The following TACR1 variants were observed in gnomAD, a reference collection of about 807,000 sequenced individuals.
The protein encoded by TACR1 is tachykinin receptor 1, also known as substance-P receptor.
A neutral mutation model predicts 35.8 loss-of-function variants in TACR1; 25 were observed. The ratio of observed to expected loss-of-function variants is 0.70; its 90% confidence interval spans 0.51 to 0.98. TACR1 has a LOEUF of 0.98. Among genes scored for constraint, TACR1 ranks in the 50% least tolerant of loss-of-function variants. The pLI, the probability that TACR1 is intolerant of heterozygous loss-of-function variation, is 0.00. For missense variants in TACR1, 478 were observed against 522.9 expected, an observed-to-expected ratio of 0.91 and a Z score of 0.84; for synonymous variants, 195 against 206.7, an observed-to-expected ratio of 0.94 and a Z score of 0.48.
intron 2 of TACR1, among the ~76,000 whole-genome samples, chr2:75,067,864 G>C (rs1481065568): frequency 6.6e-6 from 1 of 152,164 alleles, no homozygotes; most frequent in Non-Finnish European, 1.5e-5. Context: ...AGCCTCTAGG[G>C]TCCTTAGGCC....
At chr2:75,143,076 G>A (rs1174669625) in intron 1 of TACR1, among the ~76,000 whole-genome samples, 5 of 152,104 alleles carry the variant, frequency 3.3e-5, no homozygotes, top group Admixed American at 6.5e-5. Context: ...GGTGCATGGG[G>A]TGCTAACAAG....
chr2:75,110,050 G>A (rs1327796619), intron 2 of TACR1, among the ~76,000 whole-genome samples: 33 of 152,054 alleles, frequency 2.2e-4, no homozygotes, highest in Non-Finnish European at 2.9e-5. Flanking sequence ...ATGTCTTCTG[G>A]TGCGGCTTTT....
chr2:75,148,920 A>G (rs12995597), intron 1 of TACR1, among the ~76,000 whole-genome samples: 66,880 of 152,100 alleles, frequency 0.44, 15,460 homozygotes, highest in Non-Finnish European at 0.51. Context: ...GAAGGGGTCC[A>G]GTTTCAATTC....
chr2:75,098,061 T>A (rs1293584229), intron 2 of TACR1, among the ~76,000 whole-genome samples: 1 of 152,210 alleles, frequency 6.6e-6, no homozygotes, highest in Non-Finnish European at 1.5e-5. Flanking sequence ...ATGCCACACA[T>A]TCTGTTAAAA....
chr2:75,094,859 A>ATATATTTTT, intron 2 of TACR1, among the ~76,000 whole-genome samples: 29 of 113,100 alleles, frequency 2.6e-4, no homozygotes, highest in African/African-American at 1.3e-3. Context: ...ATATATATAT[A>ATATATTTTT]TTTTTTTTTT....
intron 3 of TACR1, among the ~76,000 whole-genome samples, 176 bp from the exon 4 acceptor site, chr2:75,051,623 T>A (rs1049758983): frequency 1.3e-4 from 20 of 152,160 alleles, no homozygotes; most frequent in African/African-American, 4.8e-4. Flanking sequence ...AAGACTTCGG[T>A]TATGTCAGCT....
chr2:75,193,283 T>A (rs901763676), intron 1 of TACR1, among the ~76,000 whole-genome samples: 3 of 152,224 alleles, frequency 2.0e-5, no homozygotes, highest in Non-Finnish European at 4.4e-5. Context: ...CCTCAGAATA[T>A]GGCACACAGT....
chr2:75,049,572 C>G lies in TACR1; in HGVS notation c.1084G>C (p.Val362Leu). Residue 362 changes from valine to leucine, a missense_variant, in exon 5 of 5, where the codon GTG becomes CTG. Coordinates refer to ENST00000305249, the MANE Select transcript of TACR1 (RefSeq NM_001058.4). ...SRLETTISTV[V>L]GAHEEEPEDG... ...TCTGGCTCCTCCTCGTGGGCCCCCACCACTGTGGAGATGGTGGTCTCCAGG... is the reference window on the plus strand; with the variant it reads ...TCTGGCTCCTCCTCGTGGGCCCCCAGCACTGTGGAGATGGTGGTCTCCAGG... 1.2e-6 allele frequency: 2 copies of G among 1,614,178 alleles called. No individual in the cohort carries two copies. Among genetic ancestry groups the G allele is most frequent in the Non-Finnish European group, 1.7e-6 (2 of 1,179,992 alleles).
In TACR1 at chr2:75,049,711, G is replaced by C. The variant is rs370670120; in HGVS notation, c.945C>G (p.Gly315=). 6.2e-7 allele frequency: 1 copy of C among 1,613,060 alleles called. No homozygotes were observed. Among genetic ancestry groups the C allele is most frequent in the African/African-American group, 1.3e-5 (1 of 75,036 alleles). ...YCCLNDRFRL[G]FKHAFRCCPF... Reference sequence around the variant, plus strand: ...GGCAGCACCGGAAGGCATGCTTGAAGCCCAGACGGAACCTGGAGAGCGAGC... The same window carrying C: ...GGCAGCACCGGAAGGCATGCTTGAACCCCAGACGGAACCTGGAGAGCGAGC... The change falls in exon 5 of 5, where the codon GGC becomes GGG. Residue 315 remains glycine, a synonymous_variant. Coordinates refer to ENST00000305249, the MANE Select transcript of TACR1 (RefSeq NM_001058.4).
At chr2:75,053,454 C>T (rs1183499588) in intron 3 of TACR1, 151 bp downstream of exon 3, 2 of 1,089,218 alleles carry the variant, frequency 1.8e-6, no homozygotes. Context: ...TCCAAAGACA[C>T]TGAAGAAAGA....
At position 75,049,730 on chromosome 2, in the gene TACR1, A is replaced by G. The variant is rs1441379311; in HGVS notation, c.933-7T>C. On this transcript the variant is annotated splice_polypyrimidine_tract_variant and splice_region_variant and intron_variant, in intron 4 of 4. Transcript: ENST00000305249. ...CTTGAAGCCCAGACGGAACCTGGAG[A>G]GCGAGCAGATGAAGAGGTGACCCTT... 6.2e-7 allele frequency: 1 copy of G among 1,610,416 alleles called. No homozygotes were observed. The highest frequency in any genetic ancestry group is 2.2e-5 in the East Asian group (1 of 44,812).
chr2:75,061,368 C>T (rs1415706279), intron 2 of TACR1, among the ~76,000 whole-genome samples: 3 of 151,914 alleles, frequency 2.0e-5, no homozygotes, highest in East Asian at 1.9e-4. Context: ...CCAGGTGAGT[C>T]GAGTGGGAAG....
At chr2:75,154,381 C>G (rs1215192689) in intron 1 of TACR1, 5 of 148,472 alleles carry the variant, frequency 3.4e-5, no homozygotes, top group Non-Finnish European at 7.3e-5. Context: ...AAGTTTGGCC[C>G]AGGGAGATAA....
chr2:75,128,544 G>A (rs1464002123), intron 1 of TACR1, among the ~76,000 whole-genome samples: 2 of 152,202 alleles, frequency 1.3e-5, no homozygotes, highest in Non-Finnish European at 1.5e-5. Flanking sequence ...AACACTAGGA[G>A]TATCAGTCAG....
chr2:75,135,005 C>G (rs1185696624), intron 1 of TACR1, among the ~76,000 whole-genome samples: 1 of 152,182 alleles, frequency 6.6e-6, no homozygotes, highest in African/African-American at 2.4e-5. Context: ...CTGCCAAACA[C>G]AGAGCAAGAG....
chr2:75,057,738 CTTTG>C (rs902352751), intron 2 of TACR1, among the ~76,000 whole-genome samples: 1 of 151,964 alleles, frequency 6.6e-6, no homozygotes, highest in Non-Finnish European at 1.5e-5. Context: ...ATGTGGATAA[CTTTG>C]TTTAAGGGTG....
intron 2 of TACR1, among the ~76,000 whole-genome samples, chr2:75,105,906 A>T (rs1422672317): frequency 6.6e-6 from 1 of 151,970 alleles, no homozygotes; most frequent in Non-Finnish European, 1.5e-5. Context: ...AACTGTCACA[A>T]CCAAGAGGAG....
intron 1 of TACR1, among the ~76,000 whole-genome samples, chr2:75,124,006 C>T (rs73935542): frequency 0.027 from 4,157 of 152,254 alleles, 166 homozygotes; most frequent in African/African-American, 0.094. Flanking sequence ...GCACCGTGCT[C>T]GTGGGACTCT....
chr2:75,120,739 G>C lies in TACR1; in HGVS notation c.419C>G (p.Pro140Arg). The C allele has an allele frequency of 6.2e-7, 1 of 1,613,272 alleles. No homozygotes were observed. Among genetic ancestry groups the C allele is most frequent in the Non-Finnish European group, 8.5e-7 (1 of 1,179,776 alleles). ...TTTGGTGGCTGTGGCTGACAGCCGG[G>C]GCTGGAGGGGATGTATGATGGCCAT... ...RYMAIIHPLQ[P>R]RLSATATKVV... The change falls in exon 2 of 5, where the codon CCC becomes CGC. Residue 140 changes from proline (P) to arginine (R), a missense_variant. Pro to Arg is a moderately radical substitution (Grantham distance 103). Transcript: ENST00000305249.
Sources: allele counts gnomAD v4.1 joint callset (sites outside exome capture counted in the v4.1 genomes callset), GRCh38; gene constraint gnomAD v4.1.1; transcripts MANE v1.5; gene names NCBI Gene and HGNC (gene_info 2026-07-23, HGNC 2026-07-21).